Variants in FRAS1 observed in about 807,000 individuals in gnomAD.
FRAS1 encodes the protein Fraser extracellular matrix complex subunit 1.
In FRAS1, 290 loss-of-function variants were observed where a neutral mutation model predicts 435.2. That is an observed-to-expected ratio of 0.67 (90% CI 0.61 to 0.73). The LOEUF (loss-of-function observed/expected upper bound fraction) is 0.73. FRAS1 is among the 30% of genes least tolerant of loss of function. FRAS1 has a pLI of 0.00. For missense variants in FRAS1, 4,860 were observed against 5,001.5 expected, an observed-to-expected ratio of 0.97 and a Z score of 0.85; for synonymous variants, 1,800 against 1,851.0, an observed-to-expected ratio of 0.97 and a Z score of 0.71.
rs1052161798 is a variant in FRAS1, at chr4:78,245,925, C to T, written c.309+600C>T. Among the ~76,000 whole-genome samples the T allele has an allele frequency of 3.9e-5, 6 of 152,060 alleles. No individual in the cohort carries two copies. The East Asian group carries it at 1.2e-3, about 29-fold the overall frequency. ...TTTCCCACTAGATGCTAGTAGCATC[C>T]CTCAGTCATGTCAACCAGAAATCTT... On this transcript the variant is annotated intron_variant, in intron 4 of 73. Transcript: ENST00000512123.
At position 78,539,295 on chromosome 4, in the gene FRAS1, A is replaced by G; in HGVS notation, c.11300A>G (p.Asp3767Gly). The G allele has an allele frequency of 6.2e-7, 1 of 1,603,560 alleles. No individual in the cohort carries two copies. The highest frequency in any genetic ancestry group is 8.5e-7 in the Non-Finnish European group (1 of 1,177,056). Reference sequence around the variant, plus strand: ...CATTTCTTTTTTCTGAAATCCTAGGACCGCAATCAGCCAGAGGTAACTGAT... The same window carrying G: ...CATTTCTTTTTTCTGAAATCCTAGGGCCGCAATCAGCCAGAGGTAACTGAT... ...KHLKHRFLLL[D>G]RNQPEVTDKY... Residue 3767 changes from aspartate to glycine, a missense_variant and splice_region_variant, in exon 73 of 74, where the codon GAC becomes GGC. By Grantham distance (94) the Asp-to-Gly change is moderately conservative. Transcript: ENST00000512123.
intron 2 of FRAS1, chr4:78,181,215 A>G: frequency 6.2e-7 from 1 of 1,609,284 alleles, no homozygotes; most frequent in East Asian, 2.2e-5. Context: ...ATAGCCTTCC[A>G]CTCATCCAAA....
chr4:78,429,818 A>G (rs959950045), intron 36 of FRAS1, among the ~76,000 whole-genome samples: 1 of 152,202 alleles, frequency 6.6e-6, no homozygotes, highest in Non-Finnish European at 1.5e-5. Flanking sequence ...TTTTTACCAA[A>G]CTTACAAATA....
rs188771238 is a variant in FRAS1 at position 78,506,523 on chromosome 4, G to C, written c.9317-898G>C. On this transcript the variant is annotated intron_variant, in intron 61 of 73. Transcript: ENST00000512123. ...GATCTCAGGCTGCTGCGCTAGCAGC[G>C]AGCAAAGCTCCATGGGTATGGAACC... 5.0e-4 allele frequency among the ~76,000 whole-genome samples: 70 copies of C among 140,166 alleles called. 2 individuals carry two copies. The South Asian group carries it at 8.5e-3, about 17-fold the overall frequency. The allele number at this position is 140,166 out of a possible 152,430, so 92.0% of individuals were successfully genotyped here.
At chr4:78,067,272 G>C (rs1740085495) in intron 2 of FRAS1, among the ~76,000 whole-genome samples, 2 of 152,178 alleles carry the variant, frequency 1.3e-5, no homozygotes, top group Admixed American at 1.3e-4. Flanking sequence ...ATGAGAGAGA[G>C]AGATGAAGAG....
intron 2 of FRAS1, among the ~76,000 whole-genome samples, chr4:78,231,360 A>G (rs1194027121): frequency 6.6e-6 from 1 of 151,780 alleles, no homozygotes; most frequent in Non-Finnish European, 1.5e-5. Context: ...AGGATAAAGG[A>G]AAACAAAAAA....
intron 19 of FRAS1, among the ~76,000 whole-genome samples, 162 bp downstream of exon 19, chr4:78,333,574 A>G (rs1225507150): frequency 1.3e-5 from 2 of 152,222 alleles, no homozygotes; most frequent in African/African-American, 4.8e-5. Flanking sequence ...GAGGGGAACA[A>G]GTGAAATTTA....
chr4:78,539,011 A>G (rs998885339), intron 72 of FRAS1, among the ~76,000 whole-genome samples: 1 of 151,810 alleles, frequency 6.6e-6, no homozygotes, highest in African/African-American at 2.4e-5. Context: ...TCACAAGAAC[A>G]TCATAGAGGT....
At chr4:78,278,020 C>T (rs1396015778) in intron 9 of FRAS1, among the ~76,000 whole-genome samples, 1 of 152,048 alleles carries the variant, frequency 6.6e-6, no homozygotes, top group Non-Finnish European at 1.5e-5. Context: ...ACTGTGGTCT[C>T]GATCTCCTGA....
intron 18 of FRAS1, 129 bp downstream of exon 18, chr4:78,319,115 G>A (rs1729395714): frequency 1.1e-6 from 1 of 915,418 alleles, no homozygotes; most frequent in Non-Finnish European, 1.7e-6. Flanking sequence ...TGTGAATAAA[G>A]CAGGAGACCA....
chr4:78,197,677 C>A (rs1294765052), intron 2 of FRAS1, among the ~76,000 whole-genome samples: 1 of 152,038 alleles, frequency 6.6e-6, no homozygotes, highest in Non-Finnish European at 1.5e-5. Context: ...AGTGGTGGCT[C>A]ATGCCTGTAA....
chr4:78,477,605 A>G (rs2109856083), intron 54 of FRAS1, among the ~76,000 whole-genome samples: 2 of 152,336 alleles, frequency 1.3e-5, no homozygotes, highest in South Asian at 4.1e-4. Flanking sequence ...TCCTTATACA[A>G]TAAAGCAGCC....
At chr4:78,250,930 TCTTA>T (rs950403847) in intron 4 of FRAS1, among the ~76,000 whole-genome samples, 16 of 152,326 alleles carry the variant, frequency 1.1e-4, no homozygotes, top group Middle Eastern at 6.8e-3. Flanking sequence ...AATGTCTTTT[TCTTA>T]CTTCTTATAA....
chr4:78,117,024 T>C (rs1743239627), intron 2 of FRAS1, among the ~76,000 whole-genome samples: 1 of 152,228 alleles, frequency 6.6e-6, no homozygotes, highest in South Asian at 2.1e-4. Flanking sequence ...AGGGCAGGCC[T>C]GGTGGCGACA....
At chr4:78,099,545 T>TA (rs1328767710) in intron 2 of FRAS1, among the ~76,000 whole-genome samples, 1 of 152,206 alleles carries the variant, frequency 6.6e-6, no homozygotes, top group African/African-American at 2.4e-5. Flanking sequence ...TAAACTCTTA[T>TA]AAACACTTAC....
chr4:78,539,995 GA>G (rs1290879391), intron 73 of FRAS1, among the ~76,000 whole-genome samples: 1 of 152,240 alleles, frequency 6.6e-6, no homozygotes, highest in African/African-American at 2.4e-5. Flanking sequence ...GGAGGAAGAT[GA>G]GGGGGAGATA....
rs188860025 is a variant in FRAS1, at chr4:78,507,313, A to G, written c.9317-108A>G. The stretch of plus-strand genomic sequence containing the variant: ...ACTGCGTTTATAGAACACCACTAAA[A>G]AGAAAGAACATATTTTAACATAATG... On this transcript the variant is annotated intron_variant, in intron 61 of 73. Coordinates refer to ENST00000512123, the MANE Select transcript of FRAS1 (RefSeq NM_025074.7). 1.7e-5 allele frequency: 17 copies of G among 997,100 alleles called. No homozygotes were observed. In the East Asian group the frequency reaches 4.5e-4, roughly 26 times the overall value. The allele number at this position is 997,100 out of a possible 1,614,324, so 61.8% of individuals were successfully genotyped here.
intron 2 of FRAS1, among the ~76,000 whole-genome samples, chr4:78,094,004 C>T (rs950435126): frequency 2.0e-5 from 3 of 151,872 alleles, no homozygotes; most frequent in African/African-American, 7.3e-5. Context: ...TCTTGATGGC[C>T]ATTCTTGGGT....
Position 78,175,156 on chromosome 4 carries a change from C to T in FRAS1, c.109-62354C>T, listed in dbSNP as rs183347476. Among the ~76,000 whole-genome samples, 280 of 152,336 alleles carry T rather than the reference C, an allele frequency of 1.8e-3. 1 individual carries two copies. The highest frequency in any genetic ancestry group is 5.3e-3 in the African/African-American group (219 of 41,584). ...TCAGGCTCCTGGCTTCTTATCCCAT[C>T]GCCTGGAGGCTACTTTTTGTTGGGG... On this transcript the variant is annotated intron_variant, in intron 2 of 73. Coordinates refer to ENST00000512123, the MANE Select transcript of FRAS1 (RefSeq NM_025074.7).
Sources: allele counts gnomAD v4.1 joint callset (sites outside exome capture counted in the v4.1 genomes callset), GRCh38; gene constraint gnomAD v4.1.1; transcripts MANE v1.5; gene names NCBI Gene and HGNC (gene_info 2026-07-23, HGNC 2026-07-21).